NAV3: variants seen among roughly 807,000 people sequenced by gnomAD.
NAV3 encodes the protein neuron navigator 3.
NAV3 carries 87 observed loss-of-function variants against 244.7 expected under a neutral mutation model. The observed-to-expected ratio is 0.36, with a 90% CI of 0.30 to 0.42. NAV3 has a LOEUF of 0.42. Ranked by LOEUF, NAV3 falls within the 20% of genes least tolerant of loss-of-function variation. NAV3 has a pLI of 1.00. For missense variants in NAV3, 2,663 were observed against 2,893.3 expected, an observed-to-expected ratio of 0.92 and a Z score of 1.83; for synonymous variants, 1,126 against 1,042.2, an observed-to-expected ratio of 1.08 and a Z score of -1.55.
At chr12:77,971,230 T>A (rs1892974060) in intron 5 of NAV3, among the ~76,000 whole-genome samples, 1 of 152,160 alleles carries the variant, frequency 6.6e-6, no homozygotes. Context: ...TTCAACAGTG[T>A]CCTTTAAAGC....
At chr12:77,883,694 A>G (rs73342727) in intron 1 of NAV3, among the ~76,000 whole-genome samples, 1,721 of 152,284 alleles carry the variant, frequency 0.011, 34 homozygotes, top group African/African-American at 0.04. Flanking sequence ...AGGTGAGAAC[A>G]TGCATACTAA....
At chr12:77,809,608 T>C (rs1872182460) in intron 2 of NAV3, among the ~76,000 whole-genome samples, 1 of 152,222 alleles carries the variant, frequency 6.6e-6, no homozygotes, top group Non-Finnish European at 1.5e-5. Flanking sequence ...CCAGAGGTGT[T>C]CCTATTCAGC....
intron 2 of NAV3, among the ~76,000 whole-genome samples, chr12:77,629,892 T>A (rs928761996): frequency 6.6e-6 from 1 of 151,870 alleles, no homozygotes. Flanking sequence ...AAAAGATGAG[T>A]CCTTGATAGG....
upstream of NAV3, among the ~76,000 whole-genome samples, chr12:77,827,533 C>T (rs1873141655): frequency 6.6e-6 from 1 of 152,072 alleles, no homozygotes; most frequent in Admixed American, 6.6e-5. Context: ...TGCCACTTTT[C>T]CTGTTAAATT....
intron 2 of NAV3, among the ~76,000 whole-genome samples, chr12:77,655,274 G>A (rs936602734): frequency 2.0e-5 from 3 of 152,188 alleles, no homozygotes; most frequent in Admixed American, 2.0e-4. Context: ...AGCTGATGGA[G>A]CTGAAAGCCA....
At chr12:78,043,629 C>T (rs9705581) in intron 9 of NAV3, among the ~76,000 whole-genome samples, 1,592 of 152,092 alleles carry the variant, frequency 0.01, 35 homozygotes, top group African/African-American at 0.036. Context: ...CCATTCTAAC[C>T]GGCGTGAGAT....
At chr12:77,688,052 A>G (rs1874838586) in intron 2 of NAV3, among the ~76,000 whole-genome samples, 1 of 152,058 alleles carries the variant, frequency 6.6e-6, no homozygotes, top group African/African-American at 2.4e-5. Flanking sequence ...GCCAATTAAG[A>G]CCCACAGATT....
intron 9 of NAV3, among the ~76,000 whole-genome samples, chr12:78,031,020 A>C (rs574517812): frequency 6.6e-6 from 1 of 152,152 alleles, no homozygotes; most frequent in Admixed American, 6.6e-5. Flanking sequence ...TTTATTGCTC[A>C]TGGTTGCTGT....
intron 2 of NAV3, among the ~76,000 whole-genome samples, chr12:77,725,642 A>G (rs370245559): frequency 5.9e-4 from 90 of 152,104 alleles, no homozygotes; most frequent in Non-Finnish European, 1.1e-3. Flanking sequence ...AGGAAAAAAA[A>G]AAAGTGAACT....
At position 77,953,133 on chromosome 12, in the gene NAV3, A is replaced by G. The variant is rs577120939; in HGVS notation, c.414+12000A>G. Among the ~76,000 whole-genome samples the G allele has an allele frequency of 4.4e-4, 67 of 152,320 alleles. No individual in the cohort carries two copies. The South Asian group carries it at 0.014, about 31-fold the overall frequency. ...TTATAATGAAGATTTAATATCATCT[A>G]TAACTGATACAAAATATTAAACGAT... On this transcript the variant is annotated intron_variant, in intron 3 of 39. Coordinates refer to ENST00000397909, the MANE Select transcript of NAV3 (RefSeq NM_001024383.2).
chr12:77,813,609 T>C (rs1244689048), intron 2 of NAV3, among the ~76,000 whole-genome samples: 3 of 152,112 alleles, frequency 2.0e-5, no homozygotes, highest in Non-Finnish European at 4.4e-5. Flanking sequence ...TAAAGCTATC[T>C]CATTGATAAT....
intron 1 of NAV3, among the ~76,000 whole-genome samples, chr12:77,938,931 C>CGTGT (rs35392593): frequency 0.027 from 3,801 of 142,500 alleles, 63 homozygotes; most frequent in East Asian, 0.072. Context: ...AATGTGATCT[C>CGTGT]GTGTGTGTGT....
chr12:77,700,455 C>T (rs751792263), intron 2 of NAV3, among the ~76,000 whole-genome samples: 8 of 152,076 alleles, frequency 5.3e-5, no homozygotes, highest in Non-Finnish European at 1.0e-4. Flanking sequence ...AAAACAATCA[C>T]GTTATTTGAG....
chr12:78,086,248 C>T (rs773665201), intron 12 of NAV3, among the ~76,000 whole-genome samples: 2 of 151,894 alleles, frequency 1.3e-5, no homozygotes, highest in Non-Finnish European at 2.9e-5. Context: ...ACTAAATCTG[C>T]CTTTGTTTAC....
intron 15 of NAV3, 105 bp from the exon 16 acceptor site, chr12:78,121,835 T>A: frequency 7.2e-7 from 1 of 1,385,536 alleles, no homozygotes; most frequent in South Asian, 1.4e-5. Context: ...GCTTTGTAGT[T>A]CAGTACATCA....
chr12:77,677,142 A>G (rs1028507307), intron 2 of NAV3, among the ~76,000 whole-genome samples: 4 of 152,232 alleles, frequency 2.6e-5, no homozygotes, highest in African/African-American at 7.2e-5. Context: ...AACATGAAGT[A>G]TTGAAGAGAT....
chr12:78,175,488 T>C, intron 25 of NAV3, 61 bp downstream of exon 25: 3 of 1,575,342 alleles, frequency 1.9e-6, no homozygotes, highest in Non-Finnish European at 2.6e-6. Flanking sequence ...TTAGGCCTTT[T>C]TCTTTGGGGC....
At chr12:77,663,747 C>G (rs1873584348) in intron 2 of NAV3, among the ~76,000 whole-genome samples, 1 of 152,146 alleles carries the variant, frequency 6.6e-6, no homozygotes, top group Admixed American at 6.5e-5. Context: ...TCTCGAACTC[C>G]TGATCTCAGG....
intron 11 of NAV3, among the ~76,000 whole-genome samples, chr12:78,054,801 AAGAGAGAGAGCG>A (rs1446639338): frequency 2.6e-5 from 4 of 152,070 alleles, no homozygotes; most frequent in Non-Finnish European, 5.9e-5. Flanking sequence ...CAGAGAGAGA[AAGAGAGAGAGCG>A]AGAGAGAGAG....
Sources: gnomAD v4.1 joint callset for allele counts (sites outside exome capture counted in the v4.1 genomes callset) on GRCh38, gnomAD v4.1.1 for gene constraint, MANE v1.5 for transcripts, NCBI Gene and HGNC (gene_info 2026-07-23, HGNC 2026-07-21) for gene names.